SLC4A4: variants seen among roughly 807,000 people sequenced by gnomAD.
SLC4A4 encodes electrogenic sodium bicarbonate cotransporter 1.
SLC4A4 carries 27 observed loss-of-function variants against 111.5 expected under a neutral mutation model. The observed-to-expected ratio is 0.24, with a 90% CI of 0.18 to 0.33. SLC4A4 has a LOEUF of 0.33. Ranked by LOEUF, SLC4A4 falls within the 10% of genes least tolerant of loss-of-function variation. The probability of loss-of-function intolerance (pLI) is 1.00; values close to 1 mark genes in which losing one functional copy is unlikely to be tolerated. For missense variants in SLC4A4, 909 were observed against 1,315.5 expected (o/e 0.69, Z 4.78); for synonymous variants, 443 against 463.4 (o/e 0.96, Z 0.57).
intron 1 of SLC4A4, among the ~76,000 whole-genome samples, chr4:71,202,676 A>C (rs1746313888): frequency 2.0e-5 from 3 of 152,156 alleles, no homozygotes; most frequent in Admixed American, 2.0e-4. Context: ...TTTCCTCCCC[A>C]GTTTTAATTT....
chr4:71,193,776 A>G (rs1431738630), intron 1 of SLC4A4, among the ~76,000 whole-genome samples: 12 of 152,248 alleles, frequency 7.9e-5, no homozygotes, highest in East Asian at 7.7e-4. Context: ...TTTATCCAGT[A>G]TCTTTTCCCA....
intron 21 of SLC4A4, among the ~76,000 whole-genome samples, chr4:71,556,111 T>A (rs1736459664): frequency 6.6e-6 from 1 of 151,912 alleles, no homozygotes; most frequent in African/African-American, 2.4e-5. Flanking sequence ...TGAATTCAGA[T>A]TAATTTGGTT....
At chr4:71,217,206 A>G (rs1192902710) in intron 1 of SLC4A4, among the ~76,000 whole-genome samples, 2 of 152,332 alleles carry the variant, frequency 1.3e-5, no homozygotes, top group East Asian at 3.9e-4. Flanking sequence ...ATGGGCTGTC[A>G]GCTCTAATGA....
At chr4:71,096,327 T>C (rs1742549388) in intron 2 of SLC4A4, among the ~76,000 whole-genome samples, 2 of 151,942 alleles carry the variant, frequency 1.3e-5, no homozygotes, top group African/African-American at 4.8e-5. Flanking sequence ...ACGGTATGTA[T>C]AGAGAAAGGA....
intron 2 of SLC4A4, among the ~76,000 whole-genome samples, chr4:71,254,017 C>T (rs771697690): frequency 1.6e-4 from 25 of 152,024 alleles, no homozygotes; most frequent in South Asian, 4.1e-4. Context: ...AGATATACCC[C>T]GTAGGTTACT....
At position 71,444,330 on chromosome 4, in the gene SLC4A4, A is replaced by G. The variant is rs532422479; in HGVS notation, c.966-3316A>G. Among the ~76,000 whole-genome samples, 4 of 152,336 alleles carry G rather than the reference A, an allele frequency of 2.6e-5. No individual in the cohort carries two copies. In the South Asian group the frequency reaches 8.3e-4, roughly 32 times the overall value. The stretch of plus-strand genomic sequence containing the variant: ...GAGGCATCTTCCGCAGGCATAATTA[A>G]CTATATGAAAAAACTCAGAAAAGTA... On this transcript the variant is annotated intron_variant, in intron 8 of 25. Transcript: ENST00000264485.
intron 1 of SLC4A4, among the ~76,000 whole-genome samples, chr4:71,195,230 GTTT>G (rs66527038): frequency 0.12 from 10,781 of 92,844 alleles, 688 homozygotes; most frequent in South Asian, 0.25. Context: ...CTGTATTTGA[GTTT>G]TTTTTTTTTT....
intron 6 of SLC4A4, among the ~76,000 whole-genome samples, chr4:71,388,189 T>A (rs1035119919): frequency 3.3e-5 from 5 of 152,332 alleles, no homozygotes; most frequent in Non-Finnish European, 7.4e-5. Flanking sequence ...ACAAATTATT[T>A]TATATGGTTT....
At chr4:71,086,341 CA>C (rs1376519162) in intron 1 of SLC4A4, among the ~76,000 whole-genome samples, 6 of 151,824 alleles carry the variant, frequency 4.0e-5, no homozygotes, top group Non-Finnish European at 7.4e-5. Context: ...ACAATCATGT[CA>C]TCTGCAAACA....
intron 3 of SLC4A4, among the ~76,000 whole-genome samples, chr4:71,304,170 G>A (rs1186652281): frequency 6.6e-6 from 1 of 152,156 alleles, no homozygotes; most frequent in Non-Finnish European, 1.5e-5. Flanking sequence ...AACCAAGAGG[G>A]TATATGGAGA....
At chr4:71,090,388 A>T (rs935908540) in intron 1 of SLC4A4, among the ~76,000 whole-genome samples, 6 of 152,094 alleles carry the variant, frequency 3.9e-5, no homozygotes, top group Non-Finnish European at 8.8e-5. Context: ...TGCTCGGTGC[A>T]CTGCACCCAC....
In SLC4A4 at chr4:71,234,753, T is replaced by TC. The variant is rs564464207; in HGVS notation, c.-1-1822dup. Among the ~76,000 whole-genome samples the TC allele has an allele frequency of 6.6e-5, 10 of 152,328 alleles. No individual in the cohort carries two copies. In the East Asian group the frequency reaches 1.9e-3, roughly 29 times the overall value. On this transcript the variant is annotated intron_variant, in intron 1 of 25. Coordinates refer to ENST00000264485, the MANE Select transcript of SLC4A4 (RefSeq NM_001098484.3). ...CCGGCCTCAAATCTTCAAGGAATTT[T>TC]CTTTTCCACCAGAATCTTGATGGCC...
chr4:71,323,167 T>G (rs1009565519), intron 3 of SLC4A4, among the ~76,000 whole-genome samples: 1 of 152,034 alleles, frequency 6.6e-6, no homozygotes. Context: ...ATTGGCTTGT[T>G]TTCCTTATAA....
intron 2 of SLC4A4, among the ~76,000 whole-genome samples, chr4:71,241,947 C>T (rs925721094): frequency 2.6e-5 from 4 of 152,186 alleles, no homozygotes; most frequent in African/African-American, 9.7e-5. Context: ...AAGTATGCAG[C>T]ACTTAGCTCT....
chr4:71,368,882 G>A (rs1361563423), intron 6 of SLC4A4, among the ~76,000 whole-genome samples: 3 of 152,148 alleles, frequency 2.0e-5, no homozygotes, highest in Non-Finnish European at 4.4e-5. Context: ...GGGCATGGGA[G>A]GGAGTGTGTG....
chr4:71,493,533 T>C (rs989952294), intron 15 of SLC4A4, among the ~76,000 whole-genome samples: 2 of 152,000 alleles, frequency 1.3e-5, no homozygotes, highest in Non-Finnish European at 2.9e-5. Flanking sequence ...TCTTTTTTTT[T>C]CCTTATTGAT....
At chr4:71,240,413 T>A (rs1240397835) in intron 2 of SLC4A4, among the ~76,000 whole-genome samples, 1 of 152,172 alleles carries the variant, frequency 6.6e-6, no homozygotes, top group African/African-American at 2.4e-5. Flanking sequence ...TCAGAAAATA[T>A]AAGATGCAGT....
chr4:71,186,950 C>T (rs1399957868), upstream of SLC4A4: 2 of 152,480 alleles, frequency 1.3e-5, no homozygotes, highest in East Asian at 1.9e-4. Flanking sequence ...CACACTCGCT[C>T]GCCGCGCACC....
At chr4:71,523,826 T>C (rs1471820719) in intron 16 of SLC4A4, among the ~76,000 whole-genome samples, 1 of 152,158 alleles carries the variant, frequency 6.6e-6, no homozygotes, top group Non-Finnish European at 1.5e-5. Flanking sequence ...TGATAGTGAT[T>C]TATTTGAGTT....
Sources: allele counts gnomAD v4.1 joint callset (sites outside exome capture counted in the v4.1 genomes callset), GRCh38; gene constraint gnomAD v4.1.1; transcripts MANE v1.5; gene names NCBI Gene and HGNC (gene_info 2026-07-23, HGNC 2026-07-21).